Variants in TRAF3 observed in about 807,000 individuals in gnomAD.
TRAF3 encodes the protein TNF receptor associated factor 3.
TRAF3 carries 13 observed loss-of-function variants against 62.3 expected under a neutral mutation model. The observed-to-expected ratio is 0.21, with a 90% CI of 0.14 to 0.33. TRAF3 has a LOEUF of 0.33. TRAF3 is among the 10% of genes least tolerant of loss of function. TRAF3 has a pLI of 1.00. For missense variants in TRAF3, 440 were observed against 741.8 expected (o/e 0.59, Z 4.73); for synonymous variants, 269 against 283.4 (o/e 0.95, Z 0.51).
intron 1 of TRAF3, among the ~76,000 whole-genome samples, chr14:102,792,991 G>A (rs939110405): frequency 6.6e-6 from 1 of 151,898 alleles, no homozygotes; most frequent in Non-Finnish European, 1.5e-5. Flanking sequence ...TGTATTTTTA[G>A]TAGCGACAGG....
At chr14:102,794,867 C>T (rs1897984608) in intron 1 of TRAF3, among the ~76,000 whole-genome samples, 2 of 152,128 alleles carry the variant, frequency 1.3e-5, no homozygotes, top group Admixed American at 1.3e-4. Flanking sequence ...CAGCAGCCAT[C>T]CTTGATCATG....
chr14:102,810,223 A>C (rs570084536), intron 1 of TRAF3, among the ~76,000 whole-genome samples: 1 of 152,236 alleles, frequency 6.6e-6, no homozygotes, highest in East Asian at 1.9e-4. Context: ...TTACAAGATA[A>C]AGAATTTTGA....
intron 1 of TRAF3, among the ~76,000 whole-genome samples, chr14:102,813,863 A>G (rs1040458044): frequency 6.6e-6 from 1 of 151,882 alleles, no homozygotes; most frequent in Non-Finnish European, 1.5e-5. Context: ...CCCATTCTGT[A>G]GGTTGGCTTT....
At chr14:102,840,797 C>CA (rs1176277894) in intron 2 of TRAF3, among the ~76,000 whole-genome samples, 4 of 152,160 alleles carry the variant, frequency 2.6e-5, no homozygotes, top group Non-Finnish European at 5.9e-5. Context: ...GAAAACCAGA[C>CA]AAAATATATG....
At chr14:102,812,182 T>C (rs1356061119) in intron 1 of TRAF3, among the ~76,000 whole-genome samples, 3 of 152,052 alleles carry the variant, frequency 2.0e-5, no homozygotes, top group African/African-American at 7.2e-5. Context: ...ACCTCTAGTA[T>C]CCTGTGTTTA....
chr14:102,788,100 C>T (rs1419386022), intron 1 of TRAF3, among the ~76,000 whole-genome samples: 1 of 151,836 alleles, frequency 6.6e-6, no homozygotes. Context: ...AGGGATCTGC[C>T]CGCCTCAGCC....
chr14:102,865,345 A>G (rs1359242998), intron 2 of TRAF3, among the ~76,000 whole-genome samples: 3 of 152,154 alleles, frequency 2.0e-5, no homozygotes, highest in South Asian at 2.1e-4. Flanking sequence ...TCCTTGAGCA[A>G]TGTCTGTCAA....
At chr14:102,802,759 C>T (rs1021558955) in intron 1 of TRAF3, among the ~76,000 whole-genome samples, 3 of 151,794 alleles carry the variant, frequency 2.0e-5, no homozygotes, top group Non-Finnish European at 2.9e-5. Context: ...ACTTGGGAGG[C>T]GGAAGTTTCA....
At chr14:102,853,681 C>CA (rs572898335) in intron 2 of TRAF3, among the ~76,000 whole-genome samples, 22 of 151,578 alleles carry the variant, frequency 1.5e-4, no homozygotes, top group South Asian at 8.3e-4. Context: ...ACTAAAAATA[C>CA]AAAAAAATTA....
chr14:102,781,400 C>G (rs777040198), intron 1 of TRAF3, among the ~76,000 whole-genome samples: 19 of 152,142 alleles, frequency 1.2e-4, no homozygotes, highest in Non-Finnish European at 1.5e-4. Flanking sequence ...TGGAGGGGAA[C>G]AGAGCAGCAG....
chr14:102,836,337 A>G (rs1385766024), intron 2 of TRAF3, among the ~76,000 whole-genome samples: 3 of 152,244 alleles, frequency 2.0e-5, no homozygotes, highest in African/African-American at 7.2e-5. Context: ...AGAAAATTTT[A>G]TTAATGTAGC....
At position 102,793,145 on chromosome 14, in the gene TRAF3, G is replaced by A. The variant is rs1259915842; in HGVS notation, c.-157+15470G>A. On this transcript the variant is annotated intron_variant, in intron 1 of 11. Coordinates refer to ENST00000392745, the MANE Select transcript of TRAF3 (RefSeq NM_145725.3). ...CTTTCCTTGTGATATTTTTGACTTC[G>A]GTATCTGGGAACCAATCTTTTTTTG... Among the ~76,000 whole-genome samples the A allele has an allele frequency of 3.3e-5, 5 of 151,686 alleles. No individual in the cohort carries two copies. In the East Asian group the frequency reaches 5.8e-4, roughly 18 times the overall value.
At chr14:102,867,135 CACTCATTT>C (rs1193294366) in intron 2 of TRAF3, among the ~76,000 whole-genome samples, 1 of 152,136 alleles carries the variant, frequency 6.6e-6, no homozygotes, top group Non-Finnish European at 1.5e-5. Context: ...AGCAGTTTGG[CACTCATTT>C]ACAAAACTGG....
At chr14:102,845,565 G>T (rs1332480959) in intron 2 of TRAF3, among the ~76,000 whole-genome samples, 1 of 150,510 alleles carries the variant, frequency 6.6e-6, no homozygotes, top group Non-Finnish European at 1.5e-5. Context: ...ACCCAGGCTG[G>T]AGTGCAGTGG....
chr14:102,903,056 G>A lies in TRAF3; in HGVS notation c.961-199G>A, dbSNP rs540940333. 53 of 710,270 alleles carry A rather than the reference G, an allele frequency of 7.5e-5. No individual in the cohort carries two copies. The highest frequency in any genetic ancestry group is 3.3e-4 in the Middle Eastern group (1 of 3,066). The allele number at this position is 710,270 out of a possible 1,614,324, so 44.0% of individuals were successfully genotyped here. A position where few individuals can be genotyped will look rare whatever the true frequency, so the allele number is the denominator to read the frequency against. On this transcript the variant is annotated intron_variant, in intron 10 of 11. Coordinates refer to ENST00000392745, the MANE Select transcript of TRAF3 (RefSeq NM_145725.3). This position sits in a 1 kb window ranked among gnomAD's most constrained non-coding sequence, Gnocchi z 6.4. ...CATGTCACCTCGAGTGCTCCCTGCC[G>A]GCACAAGCACTTGATCCCAGGGAGC...
At position 102,777,552 on chromosome 14, in the gene TRAF3, C is replaced by T. The variant is rs1021530664; in HGVS notation, c.-280C>T. 3.5e-5 allele frequency: 5 copies of T among 144,830 alleles called. No homozygotes were observed. The highest frequency in any genetic ancestry group is 2.0e-4 in the Admixed American group (3 of 14,686). The allele number at this position is 144,830 out of a possible 1,614,324, so 9.0% of individuals were successfully genotyped here. A position where few individuals can be genotyped will look rare whatever the true frequency, so the allele number is the denominator to read the frequency against. On this transcript the variant is annotated 5_prime_UTR_variant, in exon 1 of 12. Transcript: ENST00000392745. ...CCGGGACTTTCCAGCCGGCGGCAGC[C>T]GCGGCGGCCGCCGGCTCTTCCCCGC...
intron 6 of TRAF3, among the ~76,000 whole-genome samples, chr14:102,885,655 T>A (rs1889338016): frequency 1.3e-5 from 2 of 152,186 alleles, no homozygotes. Flanking sequence ...TAGATTAAGG[T>A]TCTAGGTTAG....
chr14:102,824,060 G>A (rs1338937648), intron 1 of TRAF3, among the ~76,000 whole-genome samples: 1 of 152,218 alleles, frequency 6.6e-6, no homozygotes, highest in Non-Finnish European at 1.5e-5. Context: ...TAGCGCTGCT[G>A]TGAACATTCA....
At chr14:102,803,936 G>A (rs976476065) in intron 1 of TRAF3, among the ~76,000 whole-genome samples, 8 of 152,282 alleles carry the variant, frequency 5.3e-5, no homozygotes, top group Admixed American at 3.3e-4. Context: ...AGTGGCTGGC[G>A]CCTGTAATCC....
Sources: allele counts gnomAD v4.1 joint callset (sites outside exome capture counted in the v4.1 genomes callset), GRCh38; gene constraint gnomAD v4.1.1; non-coding constraint Gnocchi (gnomAD v3.1); transcripts MANE v1.5; gene names NCBI Gene and HGNC (gene_info 2026-07-23, HGNC 2026-07-21).